Variants in SRGAP1 observed in about 807,000 individuals in gnomAD.
SRGAP1 encodes the protein SLIT-ROBO Rho GTPase-activating protein 1.
A neutral mutation model predicts 121.9 loss-of-function variants in SRGAP1; 43 were observed. That is an observed-to-expected ratio of 0.35 (90% CI 0.28 to 0.46). The LOEUF (loss-of-function observed/expected upper bound fraction) is 0.46, where lower values mean the gene tolerates loss of function less well. Ranked by LOEUF, SRGAP1 falls within the 20% of genes least tolerant of loss-of-function variation. The pLI is 1.00. For missense variants in SRGAP1, 1,102 were observed against 1,350.9 expected (o/e 0.82, Z 2.89); for synonymous variants, 447 against 485.4 (o/e 0.92, Z 1.04).
chr12:64,050,570 T>C lies in SRGAP1; in HGVS notation c.801+6995T>C, dbSNP rs1427195678. ...TTATCCTTCCATCTCAGTAGATTTT[T>C]GTCTTATCTAATACATACCACATTT... On this transcript the variant is annotated intron_variant, in intron 6 of 21. Coordinates refer to ENST00000355086, the MANE Select transcript of SRGAP1 (RefSeq NM_020762.4). Among the ~76,000 whole-genome samples the C allele has an allele frequency of 2.0e-5, 3 of 152,240 alleles. No homozygotes were observed. In the East Asian group the frequency reaches 5.8e-4, roughly 29 times the overall value.
chr12:64,008,427 T>C (rs2034152420), intron 3 of SRGAP1, among the ~76,000 whole-genome samples: 1 of 152,204 alleles, frequency 6.6e-6, no homozygotes. Context: ...GGTGACCAGT[T>C]AACTGGCTGT....
At chr12:64,014,872 A>G (rs533051862) in intron 3 of SRGAP1, among the ~76,000 whole-genome samples, 1 of 152,208 alleles carries the variant, frequency 6.6e-6, no homozygotes, top group African/African-American at 2.4e-5. Flanking sequence ...GCTGGAGTGC[A>G]GTGCTGTGAT....
At chr12:64,018,167 C>T (rs1318842524) in intron 4 of SRGAP1, among the ~76,000 whole-genome samples, 1 of 152,172 alleles carries the variant, frequency 6.6e-6, no homozygotes, top group Non-Finnish European at 1.5e-5. Context: ...TCGGTCACTG[C>T]AACCTCTGCC....
intron 21 of SRGAP1, among the ~76,000 whole-genome samples, chr12:64,139,218 A>T (rs1382649444): frequency 6.6e-6 from 1 of 152,196 alleles, no homozygotes; most frequent in African/African-American, 2.4e-5. Context: ...CCACACACAT[A>T]CATCATATTA....
At chr12:64,026,974 A>G (rs1213575811) in intron 4 of SRGAP1, among the ~76,000 whole-genome samples, 1 of 152,092 alleles carries the variant, frequency 6.6e-6, no homozygotes, top group Non-Finnish European at 1.5e-5. Flanking sequence ...ACTCATGGCC[A>G]GGTTGGAACT....
At chr12:64,001,420 C>T (rs781337548) in intron 3 of SRGAP1, among the ~76,000 whole-genome samples, 1 of 152,178 alleles carries the variant, frequency 6.6e-6, no homozygotes, top group Admixed American at 6.5e-5. Context: ...TGGGCTTGGC[C>T]ATATGACTTG....
intron 1 of SRGAP1, among the ~76,000 whole-genome samples, chr12:63,891,034 C>A (rs1900561314): frequency 2.6e-5 from 4 of 152,212 alleles, no homozygotes; most frequent in Admixed American, 6.5e-5. Flanking sequence ...TAGACACCTT[C>A]TTTTTATTCC....
At chr12:64,017,409 CT>C (rs2034432309) in intron 4 of SRGAP1, among the ~76,000 whole-genome samples, 1 of 152,084 alleles carries the variant, frequency 6.6e-6, no homozygotes, top group Admixed American at 6.5e-5. Context: ...AATTGCAGCA[CT>C]TTGGGAGGCC....
At chr12:64,036,710 G>T (rs1480306607) in intron 4 of SRGAP1, among the ~76,000 whole-genome samples, 1 of 152,088 alleles carries the variant, frequency 6.6e-6, no homozygotes, top group Admixed American at 6.5e-5. Flanking sequence ...TTTATTGCTG[G>T]TGCTATTTTG....
At position 63,959,957 on chromosome 12, in the gene SRGAP1, A is replaced by G. The variant is rs116638429; in HGVS notation, c.68-23990A>G. On this transcript the variant is annotated intron_variant, in intron 1 of 21. Coordinates refer to ENST00000355086, the MANE Select transcript of SRGAP1 (RefSeq NM_020762.4). ...TTTATCTTCTGGCTTTGAAACTTTCAAGTCCTTTGCATTATCCCCTTTTAA... is the reference window on the plus strand; with the variant it reads ...TTTATCTTCTGGCTTTGAAACTTTCGAGTCCTTTGCATTATCCCCTTTTAA... Among the ~76,000 whole-genome samples the G allele has an allele frequency of 2.4e-3, 365 of 152,270 alleles. 1 individual carries two copies. Among genetic ancestry groups the G allele is most frequent in the African/African-American group, 8.3e-3 (344 of 41,558 alleles).
rs187398759 is a variant in SRGAP1 at position 63,869,624 on chromosome 12, A to G, written c.67+24741A>G. On this transcript the variant is annotated intron_variant, in intron 1 of 21. Coordinates refer to ENST00000355086, the MANE Select transcript of SRGAP1 (RefSeq NM_020762.4). ...TTCCTGCGTTCATCTATAAGTATTC[A>G]CTATGTCATTAAAGCCTTTATAATT... Among the ~76,000 whole-genome samples, 3 of 152,254 alleles carry G rather than the reference A, an allele frequency of 2.0e-5. No individual in the cohort carries two copies. In the East Asian group the frequency reaches 5.8e-4, roughly 29 times the overall value.
chr12:63,909,308 G>A (rs974510976), intron 1 of SRGAP1, among the ~76,000 whole-genome samples: 2 of 152,308 alleles, frequency 1.3e-5, no homozygotes, highest in South Asian at 2.1e-4. Context: ...CTTGCTCCAG[G>A]ATTTTATGAT....
chr12:63,870,533 AT>A (rs1216674448), intron 1 of SRGAP1, among the ~76,000 whole-genome samples: 7,480 of 100,824 alleles, frequency 0.074, 181 homozygotes, highest in East Asian at 0.14. Context: ...CCCTATCTTG[AT>A]TTTTTTTTTT....
intron 6 of SRGAP1, among the ~76,000 whole-genome samples, chr12:64,052,936 C>T (rs899986001): frequency 6.6e-6 from 1 of 152,162 alleles, no homozygotes; most frequent in African/African-American, 2.4e-5. Context: ...TATACCTTTG[C>T]CTCACCTAAT....
intron 1 of SRGAP1, among the ~76,000 whole-genome samples, chr12:63,866,500 G>T (rs1899636689): frequency 6.6e-6 from 1 of 152,146 alleles, no homozygotes; most frequent in Non-Finnish European, 1.5e-5. Context: ...CATAAAGTGA[G>T]AAATATGCAT....
chr12:63,929,798 A>G (rs547535104), intron 1 of SRGAP1, among the ~76,000 whole-genome samples: 1 of 152,302 alleles, frequency 6.6e-6, no homozygotes, highest in African/African-American at 2.4e-5. Flanking sequence ...TAGCTAAACT[A>G]TAATTCAAAA....
intron 1 of SRGAP1, among the ~76,000 whole-genome samples, chr12:63,955,365 A>G (rs550752781): frequency 6.6e-6 from 1 of 152,354 alleles, no homozygotes; most frequent in South Asian, 2.1e-4. Flanking sequence ...TTTATGGTGT[A>G]CAACATGACA....
At chr12:63,944,682 A>C (rs1393151254) in intron 1 of SRGAP1, among the ~76,000 whole-genome samples, 1 of 152,228 alleles carries the variant, frequency 6.6e-6, no homozygotes, top group African/African-American at 2.4e-5. Context: ...ACTCACAAAC[A>C]TGCCACTGGA....
chr12:63,970,314 T>G (rs2032907127), intron 1 of SRGAP1, among the ~76,000 whole-genome samples: 2 of 152,188 alleles, frequency 1.3e-5, no homozygotes, highest in African/African-American at 4.8e-5. Flanking sequence ...CTAAGAGCTA[T>G]TTATGCATCT....
Sources: allele counts gnomAD v4.1 joint callset (sites outside exome capture counted in the v4.1 genomes callset), GRCh38; gene constraint gnomAD v4.1.1; transcripts MANE v1.5; gene names NCBI Gene and HGNC (gene_info 2026-07-23, HGNC 2026-07-21).